COL4A2: variants seen among roughly 807,000 people sequenced by gnomAD.
The protein encoded by COL4A2 is collagen alpha-2(IV) chain.
COL4A2 carries 99 observed loss-of-function variants against 200.2 expected under a neutral mutation model. That is an observed-to-expected ratio of 0.49 (90% confidence interval 0.42 to 0.58). The LOEUF is 0.58. Among genes scored for constraint, COL4A2 ranks in the 20% least tolerant of loss-of-function variants. The pLI is 0.00. For missense variants in COL4A2, 1,950 were observed against 2,314.1 expected (o/e 0.84, Z 3.23); for synonymous variants, 897 against 900.6 (o/e 1.00, Z 0.07).
intron 14 of COL4A2, 108 bp from the exon 15 acceptor site, chr13:110,438,510 A>T (rs374085162): frequency 1.4e-4 from 198 of 1,434,294 alleles, no homozygotes; most frequent in Admixed American, 4.2e-4. Context: ...TCTGGACACC[A>T]TCGGGGCTGA....
chr13:110,371,899 A>G (rs1878027144), intron 4 of COL4A2, among the ~76,000 whole-genome samples: 1 of 152,050 alleles, frequency 6.6e-6, no homozygotes, highest in Admixed American at 6.5e-5. Context: ...GTTGGCTTTG[A>G]GACAATAGGA....
intron 3 of COL4A2, among the ~76,000 whole-genome samples, chr13:110,319,290 A>G (rs1461204673): frequency 1.3e-5 from 2 of 152,204 alleles, no homozygotes; most frequent in Admixed American, 6.5e-5. Flanking sequence ...CAAAGGAAAC[A>G]TTTTAATATT....
intron 4 of COL4A2, among the ~76,000 whole-genome samples, chr13:110,394,340 T>C (rs899504109): frequency 6.6e-6 from 1 of 152,196 alleles, no homozygotes; most frequent in African/African-American, 2.4e-5. Flanking sequence ...AGTTTGCCAC[T>C]TGTCCACTGT....
At chr13:110,478,656 C>T (rs1882784571) in intron 30 of COL4A2, among the ~76,000 whole-genome samples, 1 of 152,220 alleles carries the variant, frequency 6.6e-6, no homozygotes, top group Non-Finnish European at 1.5e-5. Context: ...GGGCATTGCC[C>T]ACCACTGCCC....
chr13:110,454,654 G>T (rs984163363), intron 20 of COL4A2, among the ~76,000 whole-genome samples: 1 of 151,898 alleles, frequency 6.6e-6, no homozygotes, highest in Non-Finnish European at 1.5e-5. Flanking sequence ...CTCCACTCCC[G>T]GGAAATCCCA....
At chr13:110,493,824 G>GT (rs924426589) in intron 39 of COL4A2, among the ~76,000 whole-genome samples, 8 of 151,978 alleles carry the variant, frequency 5.3e-5, no homozygotes, top group Non-Finnish European at 1.2e-4. Context: ...GGTTCTGGGG[G>GT]GGGCCGCGTC....
chr13:110,359,246 G>T (rs1877416098), intron 4 of COL4A2, among the ~76,000 whole-genome samples: 2 of 152,140 alleles, frequency 1.3e-5, no homozygotes, highest in African/African-American at 4.8e-5. Flanking sequence ...GATTTAATAT[G>T]TTCAATCAAA....
At chr13:110,509,245 T>TTATATATATATATATATATATA (rs374846915) in intron 47 of COL4A2, among the ~76,000 whole-genome samples, 22 of 71,954 alleles carry the variant, frequency 3.1e-4, no homozygotes, top group East Asian at 1.9e-3. Flanking sequence ...ATTTCATAAA[T>TTATATATATATATATATATATA]TATATATATA....
intron 31 of COL4A2, among the ~76,000 whole-genome samples, chr13:110,481,920 G>A (rs796855128): frequency 7.4e-3 from 197 of 26,702 alleles, no homozygotes; most frequent in South Asian, 0.021. Context: ...CTGTCCCTCC[G>A]TGCTGGAGAC....
intron 6 of COL4A2, among the ~76,000 whole-genome samples, chr13:110,427,588 T>C (rs931910944): frequency 6.6e-6 from 1 of 152,194 alleles, no homozygotes; most frequent in Non-Finnish European, 1.5e-5. Context: ...AACTACACAA[T>C]AACAAAGCAT....
rs568725494 is a variant in COL4A2, at chr13:110,468,762, A to T, written c.2096-455A>T. ...CTCAGCCCTTCAATTATCAGAAAAC[A>T]CTTCTGGAGCCCACACACTGGGCCA... On this transcript the variant is annotated intron_variant, in intron 27 of 47. Transcript: ENST00000360467. Among the ~76,000 whole-genome samples, 250 of 152,346 alleles carry T rather than the reference A, an allele frequency of 1.6e-3. 2 individuals are homozygous for T. The highest frequency in any genetic ancestry group is 5.7e-3 in the African/African-American group (238 of 41,584).
intron 4 of COL4A2, among the ~76,000 whole-genome samples, chr13:110,374,841 C>T (rs1192913647): frequency 6.6e-6 from 1 of 152,226 alleles, no homozygotes; most frequent in Non-Finnish European, 1.5e-5. Context: ...GTTTTCCCCT[C>T]TTCAGAAGCA....
chr13:110,494,187 A>G (rs1215084271), intron 39 of COL4A2, among the ~76,000 whole-genome samples: 2 of 152,194 alleles, frequency 1.3e-5, no homozygotes, highest in African/African-American at 4.8e-5. Flanking sequence ...CCAAAAGCCA[A>G]TGGCAGAATA....
rs1878491782 is a variant in COL4A2, at chr13:110,381,505, G to T, written c.180+23953G>T. 2.0e-5 allele frequency among the ~76,000 whole-genome samples: 3 copies of T among 152,236 alleles called. No individual in the cohort carries two copies. The South Asian group carries it at 6.2e-4, about 32-fold the overall frequency. ...CAGGAGCCACCAGATATCAACTTAG[G>T]CTGTGCATCTTTCTGCCAGGTGGGT... On this transcript the variant is annotated intron_variant, in intron 4 of 47. Transcript: ENST00000360467.
At chr13:110,506,705 T>A in intron 46 of COL4A2, 99 bp downstream of exon 46, 1 of 1,297,036 alleles carries the variant, frequency 7.7e-7, no homozygotes, top group Non-Finnish European at 1.0e-6. Context: ...CCTCCACGGC[T>A]GGTAAGTTCC....
Position 110,512,498 on chromosome 13 carries a change from T to G in COL4A2, c.*307T>G. 1 of 383,396 alleles carries G rather than the reference T, an allele frequency of 2.6e-6. No individual in the cohort carries two copies. The highest frequency in any genetic ancestry group is 4.7e-6 in the Non-Finnish European group (1 of 213,326). 23.7% of individuals were successfully genotyped at this position (383,396 alleles called of 1,614,324 possible). ...CACACACCCATGTAACCACTGCACT[T>G]TCCAATGCCACAGACAACTCACATT... On this transcript the variant is annotated 3_prime_UTR_variant, in exon 48 of 48. Coordinates refer to ENST00000360467, the MANE Select transcript of COL4A2 (RefSeq NM_001846.4).
At chr13:110,504,474 T>C (rs1256263814) in intron 45 of COL4A2, among the ~76,000 whole-genome samples, 1 of 152,180 alleles carries the variant, frequency 6.6e-6, no homozygotes, top group East Asian at 1.9e-4. Context: ...CCTCCCTCCT[T>C]TTCCTGGGAC....
chr13:110,391,154 G>A (rs1393732748), intron 4 of COL4A2, among the ~76,000 whole-genome samples: 1 of 152,220 alleles, frequency 6.6e-6, no homozygotes, highest in African/African-American at 2.4e-5. Context: ...GAAGAGTCTT[G>A]TTGGAAGCTC....
At chr13:110,443,971 G>A (rs1447561003) in intron 16 of COL4A2, among the ~76,000 whole-genome samples, 2 of 152,162 alleles carry the variant, frequency 1.3e-5, no homozygotes, top group African/African-American at 2.4e-5. Context: ...TGAACCCTGA[G>A]GGTGCATTTT....
Sources: gnomAD v4.1 joint callset for allele counts (sites outside exome capture counted in the v4.1 genomes callset) on GRCh38, gnomAD v4.1.1 for gene constraint, MANE v1.5 for transcripts, NCBI Gene and HGNC (gene_info 2026-07-23, HGNC 2026-07-21) for gene names.